Variants in DENND5B observed in about 807,000 individuals in gnomAD.
DENND5B encodes DENN domain-containing protein 5B.
Under a neutral mutation model 140.6 loss-of-function variants are expected in DENND5B, and 34 were observed. The ratio of observed to expected loss-of-function variants is 0.24; its 90% CI spans 0.18 to 0.32. The LOEUF is 0.32. Ranked by LOEUF, DENND5B falls within the 10% of genes least tolerant of loss-of-function variation. DENND5B has a pLI of 1.00. For missense variants in DENND5B, 1,142 were observed against 1,560.2 expected (o/e 0.73, Z 4.52); for synonymous variants, 551 against 562.1 (o/e 0.98, Z 0.28).
rs545695283 is a variant in DENND5B, at chr12:31,413,339, C to T, written c.2681+97G>A. On this transcript the variant is annotated intron_variant, in intron 13 of 20. Coordinates refer to ENST00000389082, the MANE Select transcript of DENND5B (RefSeq NM_144973.4). ...AAGAATGCATGTGCACAGGATACAGCACTTCATACTGAAGAAGCCAGTTTG... is the reference window on the plus strand; with the variant it reads ...AAGAATGCATGTGCACAGGATACAGTACTTCATACTGAAGAAGCCAGTTTG... 7.7e-6 allele frequency: 11 copies of T among 1,433,384 alleles called. No homozygotes were observed. The African/African-American group carries it at 9.9e-5, about 13-fold the overall frequency. The allele number at this position is 1,433,384 out of a possible 1,614,324, so 88.8% of individuals were successfully genotyped here.
intron 1 of DENND5B, chr12:31,499,610 AGTC>A (rs1946927085): frequency 6.7e-7 from 1 of 1,493,982 alleles, no homozygotes; most frequent in Admixed American, 2.2e-5. Context: ...TTTTACCTGA[AGTC>A]GTATTTGCAG....
At chr12:31,451,028 C>T (rs1944492358) in intron 5 of DENND5B, among the ~76,000 whole-genome samples, 1 of 152,176 alleles carries the variant, frequency 6.6e-6, no homozygotes, top group South Asian at 2.1e-4. Context: ...TTTACACTTA[C>T]AGCCATAAAA....
intron 1 of DENND5B, among the ~76,000 whole-genome samples, chr12:31,514,399 G>A (rs1421228517): frequency 6.6e-6 from 1 of 152,078 alleles, no homozygotes; most frequent in Non-Finnish European, 1.5e-5. Flanking sequence ...GAGAATAAAC[G>A]AATAATTATG....
intron 1 of DENND5B, among the ~76,000 whole-genome samples, chr12:31,574,366 G>A (rs1949938657): frequency 6.6e-6 from 1 of 151,390 alleles, no homozygotes; most frequent in Admixed American, 6.6e-5. Context: ...AAGGCGGGTG[G>A]AGCTCTTGAA....
At chr12:31,401,070 C>T (rs1057402346) in intron 15 of DENND5B, among the ~76,000 whole-genome samples, 1 of 151,984 alleles carries the variant, frequency 6.6e-6, no homozygotes, top group African/African-American at 2.4e-5. Context: ...CTCAGACTCC[C>T]GACCTCAGGT....
chr12:31,586,889 TGCAGC>T (rs1202528018), intron 1 of DENND5B, among the ~76,000 whole-genome samples: 1 of 152,224 alleles, frequency 6.6e-6, no homozygotes, highest in African/African-American at 2.4e-5. Context: ...TTGAAATTAA[TGCAGC>T]AAAACAGAAA....
chr12:31,492,051 C>T (rs1279708022), intron 2 of DENND5B, among the ~76,000 whole-genome samples: 1 of 152,048 alleles, frequency 6.6e-6, no homozygotes, highest in Admixed American at 6.6e-5. Context: ...ATCTGTGACC[C>T]GAATGCAAAC....
At chr12:31,508,215 G>A (rs1215667939) in intron 1 of DENND5B, among the ~76,000 whole-genome samples, 1 of 152,140 alleles carries the variant, frequency 6.6e-6, no homozygotes, top group African/African-American at 2.4e-5. Flanking sequence ...CAAAGAAGCA[G>A]TCATTTGGTC....
chr12:31,572,462 A>C (rs773452902), intron 1 of DENND5B, among the ~76,000 whole-genome samples: 3 of 151,648 alleles, frequency 2.0e-5, no homozygotes, highest in Non-Finnish European at 4.4e-5. Flanking sequence ...ATAATCTTGA[A>C]GATAGGATGT....
At chr12:31,562,330 C>T (rs1304962485) in intron 1 of DENND5B, among the ~76,000 whole-genome samples, 3 of 152,108 alleles carry the variant, frequency 2.0e-5, no homozygotes, top group African/African-American at 7.2e-5. Flanking sequence ...AATAAATGGG[C>T]CGGGCGCAGC....
intron 1 of DENND5B, among the ~76,000 whole-genome samples, chr12:31,541,426 A>T (rs999208002): frequency 6.6e-6 from 1 of 152,238 alleles, no homozygotes; most frequent in Non-Finnish European, 1.5e-5. Flanking sequence ...AAAGACATAC[A>T]AATGGCAAAC....
At chr12:31,511,701 T>C (rs188604420) in intron 1 of DENND5B, among the ~76,000 whole-genome samples, 1 of 152,032 alleles carries the variant, frequency 6.6e-6, no homozygotes, top group Middle Eastern at 3.2e-3. Flanking sequence ...CACCCTTACA[T>C]CCTCAACACC....
chr12:31,532,108 T>C (rs1367656907), intron 1 of DENND5B, among the ~76,000 whole-genome samples: 1 of 152,232 alleles, frequency 6.6e-6, no homozygotes, highest in Non-Finnish European at 1.5e-5. Context: ...TACATGGCTA[T>C]AAACTGAGAT....
intron 1 of DENND5B, among the ~76,000 whole-genome samples, chr12:31,497,918 CAGGGGCAAGGGCAGGG>C (rs1946841939): frequency 3.3e-5 from 1 of 30,064 alleles, no homozygotes; most frequent in Admixed American, 5.5e-4. Flanking sequence ...GGGGCAGGGG[CAGGGGCAAGGGCAGGG>C]GGAGGGGGCG....
chr12:31,460,176 C>T lies in DENND5B; in HGVS notation c.1092+18G>A, dbSNP rs1172476977. The T allele has an allele frequency of 6.3e-7, 1 of 1,596,824 alleles. No individual in the cohort carries two copies. The highest frequency in any genetic ancestry group is 1.3e-5 in the African/African-American group (1 of 74,464). ...AATCAGCAAACAGCAAATGCTTCAT[C>T]ATTCATTGTAGTTTTACCTCTTGAG... On this transcript the variant is annotated intron_variant, in intron 4 of 20. Transcript: ENST00000389082.
intron 9 of DENND5B, among the ~76,000 whole-genome samples, chr12:31,425,670 G>T (rs1318967408): frequency 3.9e-5 from 6 of 152,130 alleles, no homozygotes; most frequent in Non-Finnish European, 5.9e-5. Context: ...AGCTCTTTTA[G>T]GCAAGAACTT....
chr12:31,498,769 T>C (rs897518553), intron 1 of DENND5B, among the ~76,000 whole-genome samples: 1 of 151,928 alleles, frequency 6.6e-6, no homozygotes, highest in African/African-American at 2.4e-5. Flanking sequence ...GGTCAGGAGT[T>C]CGAGACCAGC....
intron 17 of DENND5B, among the ~76,000 whole-genome samples, chr12:31,395,954 A>AAG (rs1440934826): frequency 1.3e-5 from 2 of 151,246 alleles, no homozygotes; most frequent in African/African-American, 4.8e-5. Flanking sequence ...AAAAAAAAAA[A>AAG]AAAAAAAAAG....
rs1379587539 is a variant in DENND5B, at chr12:31,415,454, T to C, written c.2471-6A>G. ...TCTTTCTGGTCCGAGGGCAACTATG[T>C]AGAAAAATATCAACAAAATATTAGA... On this transcript the variant is annotated splice_region_variant and splice_polypyrimidine_tract_variant and intron_variant, in intron 11 of 20. Coordinates refer to ENST00000389082, the MANE Select transcript of DENND5B (RefSeq NM_144973.4). 9 of 1,591,702 alleles carry C rather than the reference T, an allele frequency of 5.7e-6. No homozygotes were observed. Among genetic ancestry groups the C allele is most frequent in the Non-Finnish European group, 7.7e-6 (9 of 1,167,546 alleles).
Sources: allele counts gnomAD v4.1 joint callset (sites outside exome capture counted in the v4.1 genomes callset), GRCh38; gene constraint gnomAD v4.1.1; transcripts MANE v1.5; gene names NCBI Gene and HGNC (gene_info 2026-07-23, HGNC 2026-07-21).